The following THSD7B variants were observed in gnomAD, a reference collection of about 807,000 sequenced individuals.
THSD7B encodes the protein thrombospondin type-1 domain-containing protein 7B.
A neutral mutation model predicts 213.6 loss-of-function variants in THSD7B; 138 were observed. The observed-to-expected ratio is 0.65, with a 90% confidence interval of 0.56 to 0.74. The LOEUF is 0.74. Among genes scored for constraint, THSD7B ranks in the 30% least tolerant of loss-of-function variants. The probability of loss-of-function intolerance (pLI) is 0.00; values close to 1 mark genes in which losing one functional copy is unlikely to be tolerated. For synonymous variants in THSD7B, 742 were observed against 687.0 expected (o/e 1.08, Z -1.25); for missense variants, 1,931 against 1,991.5 (o/e 0.97, Z 0.58).
At chr2:137,648,985 A>T (rs1163895372) in intron 21 of THSD7B, among the ~76,000 whole-genome samples, 1 of 152,022 alleles carries the variant, frequency 6.6e-6, no homozygotes. Flanking sequence ...ATGATATCTC[A>T]TTATGCTTTT....
rs556599284 is a variant in THSD7B at position 137,584,370 on chromosome 2, A to G, written c.3423+11814A>G. 2.3e-4 allele frequency among the ~76,000 whole-genome samples: 35 copies of G among 152,322 alleles called. 1 individual carries two copies. The South Asian group carries it at 7.0e-3, about 31-fold the overall frequency. ...GATTGCCTTGGCCAGAACTTCCAAC[A>G]CTATGAATACGAGTGGTGTGAGAGG... On this transcript the variant is annotated intron_variant, in intron 17 of 27. Transcript: ENST00000409968.
intron 4 of THSD7B, among the ~76,000 whole-genome samples, chr2:137,108,552 A>G (rs1688295195): frequency 6.6e-6 from 1 of 152,152 alleles, no homozygotes; most frequent in South Asian, 2.1e-4. Flanking sequence ...GAGTTGTTTA[A>G]TTCTAACTAC....
At chr2:137,023,462 A>G (rs1437058057) in intron 2 of THSD7B, among the ~76,000 whole-genome samples, 1 of 152,166 alleles carries the variant, frequency 6.6e-6, no homozygotes, top group East Asian at 1.9e-4. Flanking sequence ...CTGCAATTCA[A>G]AGCAGAGCCT....
At chr2:137,171,215 CAG>C (rs1680244289) in intron 7 of THSD7B, among the ~76,000 whole-genome samples, 1 of 152,060 alleles carries the variant, frequency 6.6e-6, no homozygotes, top group African/African-American at 2.4e-5. Flanking sequence ...GTCAAAAAAA[CAG>C]AGAACAAATC....
chr2:137,621,213 G>T (rs1013153563), intron 20 of THSD7B, among the ~76,000 whole-genome samples: 16 of 152,164 alleles, frequency 1.1e-4, no homozygotes, highest in African/African-American at 3.6e-4. Context: ...AAGTTACTCT[G>T]GATGGTGATA....
chr2:137,239,008 A>G (rs1681841137), intron 9 of THSD7B, among the ~76,000 whole-genome samples: 1 of 152,190 alleles, frequency 6.6e-6, no homozygotes, highest in Non-Finnish European at 1.5e-5. Context: ...TTTTAATATT[A>G]GTTTATTTTT....
At chr2:137,399,384 G>T (rs371099546) in intron 12 of THSD7B, among the ~76,000 whole-genome samples, 4 of 151,908 alleles carry the variant, frequency 2.6e-5, no homozygotes, top group East Asian at 1.9e-4. Context: ...GTAGAGATGG[G>T]GTTTCACCAT....
At chr2:137,541,831 G>A (rs1208085970) in intron 15 of THSD7B, among the ~76,000 whole-genome samples, 1 of 149,486 alleles carries the variant, frequency 6.7e-6, no homozygotes, top group Non-Finnish European at 1.5e-5. Context: ...TTACTAGAGG[G>A]CTTAAGCAAC....
chr2:137,652,621 C>A (rs1190027825), intron 21 of THSD7B, among the ~76,000 whole-genome samples: 4 of 151,992 alleles, frequency 2.6e-5, no homozygotes, highest in Non-Finnish European at 5.9e-5. Flanking sequence ...TTTTGTAACT[C>A]CTCTTTTAGT....
At chr2:137,149,932 A>G (rs1679781616) in intron 5 of THSD7B, among the ~76,000 whole-genome samples, 1 of 152,220 alleles carries the variant, frequency 6.6e-6, no homozygotes. Context: ...TTGGGAAGAC[A>G]TGATTACATT....
Position 136,833,385 on chromosome 2 carries a change from A to AAG in THSD7B, c.-35-48746_-35-48745dup, listed in dbSNP as rs1553451731. ...TCTCAAAAAAAAAAAAAAAAAAAAA[A>AAG]AGAGAGAGAGAGAGGGCAATTATAT... On this transcript the variant is annotated intron_variant, in intron 1 of 27. Coordinates refer to ENST00000409968, the MANE Select transcript of THSD7B (RefSeq NM_001316349.2). Among the ~76,000 whole-genome samples the AAG allele has an allele frequency of 2.4e-3, 321 of 136,300 alleles. 4 individuals are homozygous for AAG. The highest frequency in any genetic ancestry group is 7.9e-3 in the African/African-American group (263 of 33,168). 89.4% of individuals were successfully genotyped at this position (136,300 alleles called of 152,430 possible).
rs1416988475 is a variant in THSD7B, at chr2:137,676,548, C to T, written c.4764C>T (p.Ser1588=). 1 of 1,597,616 alleles carries T rather than the reference C, an allele frequency of 6.3e-7. No individual in the cohort carries two copies. Among genetic ancestry groups the T allele is most frequent in the South Asian group, 1.1e-5 (1 of 87,552 alleles). The change falls in exon 28 of 28, where the codon AGC becomes AGT. Residue 1588 remains serine (S), a synonymous_variant. Transcript: ENST00000409968. ...GCAAGAAGCCAAAACCACATCAAAGCACACCTCCCCAACAGAAGCCTCTGA... is the reference window on the plus strand; with the variant it reads ...GCAAGAAGCCAAAACCACATCAAAGTACACCTCCCCAACAGAAGCCTCTGA... ...LVCKKPKPHQ[S]TPPQQKPLTL... is the part of the protein sequence containing the mutation.
At chr2:137,250,614 C>T (rs1040442600) in intron 10 of THSD7B, among the ~76,000 whole-genome samples, 5 of 152,146 alleles carry the variant, frequency 3.3e-5, no homozygotes, top group Non-Finnish European at 7.4e-5. Flanking sequence ...AATGATCCTG[C>T]GTTTCAGGCT....
At chr2:137,594,643 A>T (rs745624247) in intron 17 of THSD7B, among the ~76,000 whole-genome samples, 1 of 151,980 alleles carries the variant, frequency 6.6e-6, no homozygotes, top group African/African-American at 2.4e-5. Context: ...TAAAAATTTG[A>T]TAATGTATTT....
chr2:137,615,299 G>GAAGT (rs1411060725), intron 17 of THSD7B, among the ~76,000 whole-genome samples: 4 of 152,186 alleles, frequency 2.6e-5, no homozygotes, highest in African/African-American at 9.7e-5. Context: ...AGCATGAGTG[G>GAAGT]AAGTTTGCTC....
chr2:137,057,405 A>G (rs1041243660), intron 3 of THSD7B, among the ~76,000 whole-genome samples, 175 bp downstream of exon 3: 4 of 152,186 alleles, frequency 2.6e-5, no homozygotes, highest in African/African-American at 7.2e-5. Context: ...TCAAAATTGC[A>G]TAGTTTAGAC....
intron 3 of THSD7B, among the ~76,000 whole-genome samples, chr2:137,072,969 A>G (rs1687529635): frequency 6.6e-6 from 1 of 152,094 alleles, no homozygotes; most frequent in South Asian, 2.1e-4. Context: ...TGATCATGGT[A>G]GATGAACTTT....
chr2:137,500,389 A>C (rs540334500), intron 15 of THSD7B, among the ~76,000 whole-genome samples: 15 of 152,226 alleles, frequency 9.9e-5, no homozygotes, highest in Non-Finnish European at 2.2e-4. Flanking sequence ...CATTTTAGAC[A>C]TGCGTAGTCA....
At chr2:137,046,389 T>G (rs997786639) in intron 2 of THSD7B, among the ~76,000 whole-genome samples, 2 of 150,944 alleles carry the variant, frequency 1.3e-5, no homozygotes, top group African/African-American at 2.4e-5. Context: ...AAAGGGTGAG[T>G]GGGGATGAAT....
Sources: gnomAD v4.1 joint callset for allele counts (sites outside exome capture counted in the v4.1 genomes callset) on GRCh38, gnomAD v4.1.1 for gene constraint, MANE v1.5 for transcripts, NCBI Gene and HGNC (gene_info 2026-07-23, HGNC 2026-07-21) for gene names.